ITPR1: variants seen among roughly 807,000 people sequenced by gnomAD.
ITPR1 encodes the protein inositol 1,4,5-trisphosphate receptor type 1, also known as inositol 1,4,5-trisphosphate-gated calcium channel ITPR1.
In ITPR1, 96 loss-of-function variants were observed where a neutral mutation model predicts 318.4. The ratio of observed to expected loss-of-function variants is 0.30; its 90% CI spans 0.26 to 0.36. ITPR1 has a LOEUF of 0.36. Ranked by LOEUF, ITPR1 falls within the 10% of genes least tolerant of loss-of-function variation. The probability of loss-of-function intolerance (pLI) is 1.00; values close to 1 mark genes in which losing one functional copy is unlikely to be tolerated. For synonymous variants in ITPR1, 1,312 were observed against 1,289.9 expected (o/e 1.02, Z -0.37); for missense variants, 2,440 against 3,460.2 (o/e 0.71, Z 7.40).
chr3:4,534,438 T>G (rs2083680497), intron 4 of ITPR1, among the ~76,000 whole-genome samples: 1 of 152,196 alleles, frequency 6.6e-6, no homozygotes, highest in Non-Finnish European at 1.5e-5. Flanking sequence ...GTGCTTATTC[T>G]CATTGGCACT....
At chr3:4,611,802 G>C (rs1173687783) in intron 4 of ITPR1, among the ~76,000 whole-genome samples, 1 of 151,970 alleles carries the variant, frequency 6.6e-6, no homozygotes, top group Admixed American at 6.6e-5. Context: ...TGGTTTTTAT[G>C]AAAATTTTAC....
intron 44 of ITPR1, among the ~76,000 whole-genome samples, chr3:4,740,216 T>C (rs530827546): frequency 2.0e-5 from 3 of 152,278 alleles, no homozygotes; most frequent in East Asian, 1.9e-4. Flanking sequence ...ATTGAGCACC[T>C]ACCATGGGTC....
intron 47 of ITPR1, 70 bp downstream of exon 47, chr3:4,775,512 T>G (rs554775088): frequency 8.2e-7 from 1 of 1,215,486 alleles, no homozygotes; most frequent in South Asian, 1.3e-5. Context: ...AGAGACTAGT[T>G]CAGAAATCAC....
At chr3:4,574,437 T>C (rs76834891) in intron 4 of ITPR1, among the ~76,000 whole-genome samples, 2,867 of 152,276 alleles carry the variant, frequency 0.019, 87 homozygotes, top group African/African-American at 0.066. Context: ...GGGGAGATGG[T>C]CGGTTGACAA....
intron 14 of ITPR1, among the ~76,000 whole-genome samples, chr3:4,661,291 T>G (rs2093827393): frequency 6.6e-6 from 1 of 152,192 alleles, no homozygotes; most frequent in African/African-American, 2.4e-5. Flanking sequence ...TAACTACAAC[T>G]TTTTAATTTT....
intron 10 of ITPR1, among the ~76,000 whole-genome samples, chr3:4,650,569 A>G (rs1468145458): frequency 1.1e-4 from 15 of 134,720 alleles, no homozygotes; most frequent in African/African-American, 3.8e-4. Context: ...TTTCTTTTTT[A>G]TTTCTAGTTT....
chr3:4,516,578 C>T lies in ITPR1; in HGVS notation c.87C>T (p.Thr29=), dbSNP rs1478070120. ...AEGSTNGFIS[T]LGLVDDRCVV... is the part of the protein sequence containing the mutation. ...GATCGACAAATGGATTTATTAGCAC[C>T]TTGGGGTAAGAGCATGCAATTTCTT... is the stretch of plus-strand genomic sequence containing the variant. Residue 29 remains threonine, a synonymous_variant, in exon 3 of 62, where the codon ACC becomes ACT. Transcript: ENST00000649015. 1.3e-6 allele frequency: 2 copies of T among 1,592,096 alleles called. No homozygotes were observed. The highest frequency in any genetic ancestry group is 1.3e-5 in the African/African-American group (1 of 74,120).
intron 2 of ITPR1, among the ~76,000 whole-genome samples, chr3:4,496,254 C>T (rs767984456): frequency 3.3e-5 from 5 of 152,290 alleles, no homozygotes; most frequent in Non-Finnish European, 5.9e-5. Context: ...CATATACCTT[C>T]CAGTTTGCTT....
At chr3:4,578,209 T>A (rs1269331901) in intron 4 of ITPR1, among the ~76,000 whole-genome samples, 1 of 152,234 alleles carries the variant, frequency 6.6e-6, no homozygotes, top group Non-Finnish European at 1.5e-5. Flanking sequence ...TTTTTAAAAA[T>A]GGTTTGATAT....
chr3:4,755,488 C>G (rs2044902465), intron 44 of ITPR1, among the ~76,000 whole-genome samples: 1 of 151,592 alleles, frequency 6.6e-6, no homozygotes, highest in Non-Finnish European at 1.5e-5. Flanking sequence ...GTCCTTCCAC[C>G]TTGGCCTCCG....
chr3:4,543,081 C>T (rs978414466), intron 4 of ITPR1, among the ~76,000 whole-genome samples: 1 of 151,912 alleles, frequency 6.6e-6, no homozygotes, highest in African/African-American at 2.4e-5. Flanking sequence ...CAGTTATAAT[C>T]ATTGGAGAAA....
intron 57 of ITPR1, 57 bp from the exon 58 acceptor site, chr3:4,814,366 C>A: frequency 6.3e-7 from 1 of 1,586,662 alleles, no homozygotes; most frequent in Non-Finnish European, 8.7e-7. Flanking sequence ...ATTTCAAAAT[C>A]CCGGTCTCTC....
At position 4,710,679 on chromosome 3, in the gene ITPR1, C is replaced by G. The variant is rs1192075215; in HGVS notation, c.4991+206C>G. Reference sequence around the variant, plus strand: ...CACTTTTTTGTTTTGTTTTGTTTTGCTTTGTTTTTTGGTGAGAAGTTCTTA... The same window carrying G: ...CACTTTTTTGTTTTGTTTTGTTTTGGTTTGTTTTTTGGTGAGAAGTTCTTA... On this transcript the variant is annotated intron_variant, in intron 38 of 61. Transcript: ENST00000649015. The surrounding 1 kb of genome is among the most constrained non-coding windows in gnomAD (Gnocchi z 4.2). Among the ~76,000 whole-genome samples the G allele has an allele frequency of 6.6e-6, 1 of 152,010 alleles. No homozygotes were observed. The highest frequency in any genetic ancestry group is 1.5e-5 in the Non-Finnish European group (1 of 67,988).
intron 16 of ITPR1, among the ~76,000 whole-genome samples, chr3:4,663,906 G>A (rs2093890747): frequency 6.6e-6 from 1 of 152,102 alleles, no homozygotes; most frequent in African/African-American, 2.4e-5. Flanking sequence ...CAAACAGTAT[G>A]TACCCTTTTC....
At chr3:4,681,806 C>A (rs1159730049) in intron 26 of ITPR1, among the ~76,000 whole-genome samples, 1 of 151,960 alleles carries the variant, frequency 6.6e-6, no homozygotes, top group Non-Finnish European at 1.5e-5. Context: ...TCATGTCCTG[C>A]TGCTGCTGCT....
At chr3:4,543,587 C>T (rs963667537) in intron 4 of ITPR1, among the ~76,000 whole-genome samples, 2 of 152,186 alleles carry the variant, frequency 1.3e-5, no homozygotes, top group Non-Finnish European at 2.9e-5. Context: ...GGGCTATAGG[C>T]ACGTGCCACC....
chr3:4,768,843 C>A, intron 46 of ITPR1, 79 bp downstream of exon 46: 1 of 1,387,340 alleles, frequency 7.2e-7, no homozygotes. Context: ...GGTTCAGCAC[C>A]TCTCACTTGG....
intron 39 of ITPR1, among the ~76,000 whole-genome samples, chr3:4,714,645 G>A (rs2125288072): frequency 6.6e-6 from 1 of 152,344 alleles, no homozygotes; most frequent in East Asian, 1.9e-4. Context: ...TCCACCATGT[G>A]TGGGCTGGGT....
chr3:4,577,241 G>C (rs150504444), intron 4 of ITPR1, among the ~76,000 whole-genome samples: 1 of 152,334 alleles, frequency 6.6e-6, no homozygotes, highest in East Asian at 1.9e-4. Context: ...TGCAGTGTTT[G>C]AATGGCTTTC....
Sources: allele counts gnomAD v4.1 joint callset (sites outside exome capture counted in the v4.1 genomes callset), GRCh38; gene constraint gnomAD v4.1.1; non-coding constraint Gnocchi (gnomAD v3.1); transcripts MANE v1.5; gene names NCBI Gene and HGNC (gene_info 2026-07-23, HGNC 2026-07-21).